The following NRG3 variants were observed in gnomAD, a reference collection of about 807,000 sequenced individuals.
The protein encoded by NRG3 is pro-neuregulin-3, membrane-bound isoform.
In NRG3, 31 loss-of-function variants were observed where a neutral mutation model predicts 66.9. The ratio of observed to expected loss-of-function variants is 0.46; its 90% confidence interval spans 0.35 to 0.63. The LOEUF is 0.63. Among genes scored for constraint, NRG3 ranks in the 20% least tolerant of loss-of-function variants. The probability of loss-of-function intolerance (pLI) is 0.00; values close to 1 mark genes in which losing one functional copy is unlikely to be tolerated. For missense variants in NRG3, 910 were observed against 878.9 expected, an observed-to-expected ratio of 1.04 and a Z score of -0.45; for synonymous variants, 393 against 359.4, an observed-to-expected ratio of 1.09 and a Z score of -1.06.
At position 81,877,503 on chromosome 10, in the gene NRG3, T is replaced by A. The variant is rs181730841; in HGVS notation, c.823+1340T>A. 2.2e-3 allele frequency among the ~76,000 whole-genome samples: 339 copies of A among 152,354 alleles called. 4 individuals are homozygous for A. The highest frequency in any genetic ancestry group is 0.02 in the Admixed American group (305 of 15,304). ...ATGGGAATACTGGGTTTGCTTTCAG[T>A]CATCTGCTAATTTTTCATTTCCCTG... On this transcript the variant is annotated intron_variant, in intron 1 of 8. Transcript: ENST00000372141.
intron 3 of NRG3, among the ~76,000 whole-genome samples, chr10:82,824,680 G>A (rs2062109804): frequency 6.7e-6 from 1 of 148,614 alleles, no homozygotes; most frequent in Non-Finnish European, 1.5e-5. Context: ...TTTGAGAACT[G>A]TATATACAAA....
chr10:82,705,451 G>A (rs550388154), intron 2 of NRG3, among the ~76,000 whole-genome samples: 1 of 152,296 alleles, frequency 6.6e-6, no homozygotes, highest in African/African-American at 2.4e-5. Flanking sequence ...ATGCTTAAAT[G>A]TGGACCCTCT....
At chr10:82,678,606 C>T (rs1461422683) in intron 2 of NRG3, among the ~76,000 whole-genome samples, 2 of 152,138 alleles carry the variant, frequency 1.3e-5, no homozygotes, top group Non-Finnish European at 2.9e-5. Context: ...TGGCTTAAAC[C>T]AATTGTTATT....
chr10:82,293,228 G>A (rs372174570), intron 1 of NRG3, among the ~76,000 whole-genome samples: 8 of 152,064 alleles, frequency 5.3e-5, no homozygotes, highest in African/African-American at 1.9e-4. Context: ...AAGTCAAGAA[G>A]ATCTGTACTT....
chr10:82,558,730 C>T (rs2044819821), intron 2 of NRG3, among the ~76,000 whole-genome samples: 1 of 152,096 alleles, frequency 6.6e-6, no homozygotes, highest in African/African-American at 2.4e-5. Context: ...TAGAGATGCT[C>T]ATTTTAGTTT....
At chr10:82,865,070 G>A (rs1694791351) in intron 3 of NRG3, among the ~76,000 whole-genome samples, 1 of 152,076 alleles carries the variant, frequency 6.6e-6, no homozygotes, top group African/African-American at 2.4e-5. Flanking sequence ...TATGCATTCT[G>A]AAAAGAATAT....
chr10:82,018,933 C>G (rs1156938822), intron 1 of NRG3, among the ~76,000 whole-genome samples: 1 of 151,850 alleles, frequency 6.6e-6, no homozygotes, highest in Non-Finnish European at 1.5e-5. Context: ...TTTTTTCTTT[C>G]TCCTGTCTTA....
At chr10:81,889,033 T>A (rs968634683) in intron 1 of NRG3, among the ~76,000 whole-genome samples, 6 of 152,162 alleles carry the variant, frequency 3.9e-5, no homozygotes, top group African/African-American at 1.4e-4. Context: ...TTAAGGATGT[T>A]TAGTTTATCC....
At chr10:82,963,582 A>G (rs566790124) in intron 6 of NRG3, among the ~76,000 whole-genome samples, 1 of 152,300 alleles carries the variant, frequency 6.6e-6, no homozygotes, top group South Asian at 2.1e-4. Flanking sequence ...TGGGAGGCTG[A>G]GGCGGGAGAA....
At chr10:82,791,232 A>G (rs1485520323) in intron 3 of NRG3, among the ~76,000 whole-genome samples, 7 of 151,746 alleles carry the variant, frequency 4.6e-5, no homozygotes, top group Non-Finnish European at 8.8e-5. Context: ...ACGTAATGTG[A>G]CAGCTCTGAA....
chr10:82,964,029 C>A (rs1183743956), intron 6 of NRG3, among the ~76,000 whole-genome samples: 1 of 152,118 alleles, frequency 6.6e-6, no homozygotes, highest in Non-Finnish European at 1.5e-5. Flanking sequence ...TTTAATAGTT[C>A]TAGCCTAAAC....
chr10:82,689,587 T>C (rs945601731), intron 2 of NRG3, among the ~76,000 whole-genome samples: 3 of 152,182 alleles, frequency 2.0e-5, no homozygotes, highest in South Asian at 2.1e-4. Flanking sequence ...CAAATCCTTA[T>C]AGCATAACAC....
intron 1 of NRG3, among the ~76,000 whole-genome samples, chr10:82,284,031 A>G (rs938370969): frequency 6.6e-6 from 1 of 152,206 alleles, no homozygotes; most frequent in Non-Finnish European, 1.5e-5. Context: ...TCCAGGATAT[A>G]CTTTTATAAT....
chr10:82,441,479 C>T (rs1292141098), intron 2 of NRG3, among the ~76,000 whole-genome samples: 3 of 152,170 alleles, frequency 2.0e-5, no homozygotes, highest in African/African-American at 7.2e-5. Flanking sequence ...TTGATAGTCA[C>T]TTTCATTCGG....
intron 1 of NRG3, among the ~76,000 whole-genome samples, chr10:82,250,207 C>T (rs1430572203): frequency 2.0e-5 from 3 of 152,056 alleles, no homozygotes; most frequent in Non-Finnish European, 4.4e-5. Context: ...TAAAATATGC[C>T]ACAAAAATTG....
At position 82,730,676 on chromosome 10, in the gene NRG3, AATTAGTGTTC is replaced by A. The variant is rs540119492; in HGVS notation, c.954-7900_954-7891del. On this transcript the variant is annotated intron_variant, in intron 2 of 8. Transcript: ENST00000372141. The stretch of plus-strand genomic sequence containing the variant: ...GTTAACTTAAAGATCTTCCTGTGTT[AATTAGTGTTC>A]TTTTTTAAATAAGAATTATTAATTA... Among the ~76,000 whole-genome samples, 3 of 152,320 alleles carry A rather than the reference AATTAGTGTTC, an allele frequency of 2.0e-5. No homozygotes were observed. The East Asian group carries it at 5.8e-4, about 29-fold the overall frequency.
intron 2 of NRG3, among the ~76,000 whole-genome samples, chr10:82,516,912 C>A (rs1845711390): frequency 6.6e-6 from 1 of 152,136 alleles, no homozygotes; most frequent in Admixed American, 6.5e-5. Context: ...TTACTGAACC[C>A]AGTTTTATTG....
At chr10:82,338,516 A>G (rs924948131) in intron 1 of NRG3, among the ~76,000 whole-genome samples, 1 of 152,150 alleles carries the variant, frequency 6.6e-6, no homozygotes, top group Non-Finnish European at 1.5e-5. Flanking sequence ...ATCTGAACTG[A>G]TTTCCTCACT....
chr10:82,027,147 T>TGTGGAAATAATTCAG (rs2062350961), intron 1 of NRG3, among the ~76,000 whole-genome samples: 1 of 152,108 alleles, frequency 6.6e-6, no homozygotes, highest in African/African-American at 2.4e-5. Flanking sequence ...AGAATAGTCT[T>TGTGGAAATAATTCAG]TGGAAAATTT....
Sources: allele counts gnomAD v4.1 joint callset (sites outside exome capture counted in the v4.1 genomes callset), GRCh38; gene constraint gnomAD v4.1.1; transcripts MANE v1.5; gene names NCBI Gene and HGNC (gene_info 2026-07-23, HGNC 2026-07-21).